Variants in KHDRBS3 observed in about 807,000 individuals in gnomAD.
The protein encoded by KHDRBS3 is KH domain-containing, RNA-binding, signal transduction-associated protein 3.
KHDRBS3 carries 23 observed loss-of-function variants against 45.6 expected under a neutral mutation model. The ratio of observed to expected loss-of-function variants is 0.50; its 90% CI spans 0.36 to 0.72. The LOEUF (loss-of-function observed/expected upper bound fraction) is 0.72, where lower values mean the gene tolerates loss of function less well. Ranked by LOEUF, KHDRBS3 falls within the 30% of genes least tolerant of loss-of-function variation. The pLI, the probability that KHDRBS3 is intolerant of heterozygous loss-of-function variation, is 0.00. For missense variants in KHDRBS3, 352 were observed against 424.8 expected (o/e 0.83, Z 1.51); for synonymous variants, 162 against 156.5 (o/e 1.04, Z -0.26).
intron 5 of KHDRBS3, among the ~76,000 whole-genome samples, chr8:135,576,555 G>T (rs888885021): frequency 2.0e-5 from 3 of 152,032 alleles, no homozygotes; most frequent in Admixed American, 2.0e-4. Context: ...CCCATAATTT[G>T]AGGGTTTAAT....
chr8:135,526,533 A>G (rs1030640882), intron 2 of KHDRBS3, among the ~76,000 whole-genome samples: 1 of 152,142 alleles, frequency 6.6e-6, no homozygotes, highest in African/African-American at 2.4e-5. Context: ...TAGCACTGCA[A>G]TCAGTCCTAA....
Position 135,565,744 on chromosome 8 carries a change from T to C in KHDRBS3, c.611+8157T>C, listed in dbSNP as rs181756855. Among the ~76,000 whole-genome samples, 361 of 152,252 alleles carry C rather than the reference T, an allele frequency of 2.4e-3. 4 individuals are homozygous for C. The highest frequency in any genetic ancestry group is 0.022 in the Admixed American group (341 of 15,286). ...GCTGTGGTTGCTGGAAACTTTGGCC[T>C]GTGATTCTTCAAGCGCAAAGACTCA... On this transcript the variant is annotated intron_variant, in intron 5 of 8. Coordinates refer to ENST00000355849, the MANE Select transcript of KHDRBS3 (RefSeq NM_006558.3).
chr8:135,542,557 AATG>A (rs1408258989), intron 2 of KHDRBS3, 94 bp from the exon 3 acceptor site: 3 of 732,832 alleles, frequency 4.1e-6, no homozygotes, highest in Non-Finnish European at 7.2e-6. Flanking sequence ...GCCATTAATC[AATG>A]ATGTGTAGCA....
intron 7 of KHDRBS3, among the ~76,000 whole-genome samples, chr8:135,617,962 G>C (rs1353972406): frequency 6.6e-6 from 1 of 152,154 alleles, no homozygotes; most frequent in African/African-American, 2.4e-5. Context: ...CTTGTTGCAG[G>C]TTGACTTGTA....
chr8:135,459,688 A>G (rs1821329760), intron 1 of KHDRBS3, among the ~76,000 whole-genome samples: 1 of 152,250 alleles, frequency 6.6e-6, no homozygotes, highest in Non-Finnish European at 1.5e-5. Flanking sequence ...AGTTAAACTG[A>G]AAGTACAGTG....
chr8:135,580,569 C>A (rs1308683824), intron 5 of KHDRBS3, among the ~76,000 whole-genome samples: 2 of 146,640 alleles, frequency 1.4e-5, no homozygotes, highest in African/African-American at 5.0e-5. Context: ...TCCTTGAGGT[C>A]AAAAATAATG....
At chr8:135,481,222 C>CGA (rs1822550513) in intron 1 of KHDRBS3, among the ~76,000 whole-genome samples, 1 of 34,606 alleles carries the variant, frequency 2.9e-5, no homozygotes, top group South Asian at 1.1e-3. Context: ...ATGAAAGCCA[C>CGA]GATATATATA....
intron 1 of KHDRBS3, among the ~76,000 whole-genome samples, chr8:135,496,520 A>G (rs906086385): frequency 2.6e-5 from 4 of 151,932 alleles, no homozygotes; most frequent in African/African-American, 7.3e-5. Flanking sequence ...GGTATAAGCC[A>G]CCATACCTGG....
chr8:135,628,179 T>A (rs1397357505), intron 7 of KHDRBS3, among the ~76,000 whole-genome samples: 1 of 152,124 alleles, frequency 6.6e-6, no homozygotes, highest in Non-Finnish European at 1.5e-5. Flanking sequence ...ACCTCTGAGT[T>A]CCTACAGAAC....
intron 7 of KHDRBS3, among the ~76,000 whole-genome samples, chr8:135,644,052 A>G (rs181726794): frequency 8.1e-4 from 123 of 152,278 alleles, no homozygotes; most frequent in African/African-American, 2.6e-3. Context: ...CAAATTCAGG[A>G]TGGTGGTTTC....
At chr8:135,618,132 A>G (rs751785954) in intron 7 of KHDRBS3, among the ~76,000 whole-genome samples, 2 of 152,228 alleles carry the variant, frequency 1.3e-5, no homozygotes, top group Non-Finnish European at 2.9e-5. Context: ...AAGGTAATTT[A>G]TGAGTGTGCA....
chr8:135,576,863 ATATAT>A (rs2130906739), intron 5 of KHDRBS3, among the ~76,000 whole-genome samples: 1 of 152,326 alleles, frequency 6.6e-6, no homozygotes, highest in East Asian at 1.9e-4. Context: ...CCATCTGTAA[ATATAT>A]TAAGCTAAAC....
intron 1 of KHDRBS3, among the ~76,000 whole-genome samples, chr8:135,485,033 T>C (rs1822777634): frequency 1.3e-5 from 2 of 152,202 alleles, no homozygotes; most frequent in Non-Finnish European, 2.9e-5. Flanking sequence ...TGGCACTGTA[T>C]ACAGTGTGAT....
At chr8:135,559,585 A>T (rs866848359) in intron 5 of KHDRBS3, among the ~76,000 whole-genome samples, 36 of 151,854 alleles carry the variant, frequency 2.4e-4, no homozygotes, top group Middle Eastern at 3.4e-3. Context: ...CTGCTCTCTA[A>T]CTCCTGACCT....
chr8:135,505,486 C>G (rs532742880), intron 1 of KHDRBS3, among the ~76,000 whole-genome samples: 51 of 152,192 alleles, frequency 3.4e-4, no homozygotes, highest in Non-Finnish European at 5.4e-4. Context: ...CACTATACTT[C>G]AGGAATTTAC....
At chr8:135,535,436 A>ATTATATATAGTTTAACTATATATAATAGT (rs1825699891) in intron 2 of KHDRBS3, among the ~76,000 whole-genome samples, 1 of 146,700 alleles carries the variant, frequency 6.8e-6, no homozygotes, top group South Asian at 2.1e-4. Flanking sequence ...TATATAAACT[A>ATTATATATAGTTTAACTATATATAATAGT]TTATATATAG....
At chr8:135,593,659 A>G (rs1233989468) in intron 6 of KHDRBS3, among the ~76,000 whole-genome samples, 1 of 151,896 alleles carries the variant, frequency 6.6e-6, no homozygotes, top group African/African-American at 2.4e-5. Context: ...TTTATTTTTT[A>G]TAGAGACAGG....
intron 2 of KHDRBS3, among the ~76,000 whole-genome samples, chr8:135,523,185 A>T (rs1168323806): frequency 6.6e-6 from 1 of 152,150 alleles, no homozygotes; most frequent in East Asian, 1.9e-4. Context: ...TTTCTTTGTT[A>T]ATTACTACAA....
rs1436256036 is a variant in KHDRBS3, at chr8:135,504,092, T to G, written c.89-17145T>G. Among the ~76,000 whole-genome samples, 4 of 152,306 alleles carry G rather than the reference T, an allele frequency of 2.6e-5. No homozygotes were observed. In the East Asian group the frequency reaches 7.7e-4, roughly 29 times the overall value. On this transcript the variant is annotated intron_variant, in intron 1 of 8. Coordinates refer to ENST00000355849, the MANE Select transcript of KHDRBS3 (RefSeq NM_006558.3). ...AGCCTTCTGACTTGCTTTTTGCTTTTTTCTCAGTGTCATACTGTAAGTAAG... is the reference window on the plus strand; with the variant it reads ...AGCCTTCTGACTTGCTTTTTGCTTTGTTCTCAGTGTCATACTGTAAGTAAG...
Sources: gnomAD v4.1 joint callset for allele counts (sites outside exome capture counted in the v4.1 genomes callset) on GRCh38, gnomAD v4.1.1 for gene constraint, MANE v1.5 for transcripts, NCBI Gene and HGNC (gene_info 2026-07-23, HGNC 2026-07-21) for gene names.